Variants in ZFAND2A observed in about 807,000 individuals in gnomAD.
ZFAND2A encodes the protein zinc finger AN1-type containing 2A.
A neutral mutation model predicts 11.6 loss-of-function variants in ZFAND2A; 20 were observed. The ratio of observed to expected loss-of-function variants is 1.72; its 90% CI spans 1.21 to 2.50. ZFAND2A has a LOEUF of 2.50. Among genes scored for constraint, ZFAND2A ranks in the 30% most tolerant of loss-of-function variants. The pLI, the probability that ZFAND2A is intolerant of heterozygous loss-of-function variation, is 0.00. For missense variants in ZFAND2A, 234 were observed against 182.9 expected (o/e 1.28, Z -1.61); for synonymous variants, 93 against 60.6 (o/e 1.54, Z -2.48).
chr7:1,151,400 C>T (rs1793396096), downstream of ZFAND2A, among the ~76,000 whole-genome samples: 3 of 152,052 alleles, frequency 2.0e-5, no homozygotes, highest in African/African-American at 4.8e-5. Flanking sequence ...CAGATAGTCA[C>T]ATCGTTACAG....
chr7:1,158,301 T>C (rs533332333), intron 1 of ZFAND2A, 44 bp from the exon 2 acceptor site: 67 of 1,181,496 alleles, frequency 5.7e-5, no homozygotes, highest in South Asian at 5.0e-4. Flanking sequence ...TGGACTGCCC[T>C]TCAGTCACCA....
rs1330503956 is a variant in ZFAND2A at position 1,155,559 on chromosome 7, A to G, written c.176T>C (p.Leu59Pro). Residue 59 changes from leucine (L) to proline (P), a missense_variant, in exon 4 of 5, where the codon CTC becomes CCC. Leu to Pro is a moderately conservative substitution (Grantham distance 98). Coordinates refer to ENST00000316495, the MANE Select transcript of ZFAND2A (RefSeq NM_182491.4). The part of the protein sequence containing the change: ...QKDVHVPVCP[L>P]CNTPIPVKKG... ...TTTTACTGGGATGGGGGTATTACAG[A>G]GTGGGCATACTGGGACGTGAACATC... 3 of 1,613,708 alleles carry G rather than the reference A, an allele frequency of 1.9e-6. No individual in the cohort carries two copies. The highest frequency in any genetic ancestry group is 1.7e-5 in the Admixed American group (1 of 59,944).
downstream of ZFAND2A, chr7:1,152,352 G>C (rs1157253434): frequency 1.3e-6 from 2 of 1,555,274 alleles, no homozygotes; most frequent in Admixed American, 1.9e-5. Flanking sequence ...CACCTACAGA[G>C]AGGGTGGATG....
At chr7:1,153,355 C>T (rs1472500788) in intron 4 of ZFAND2A, 131 bp from the exon 5 acceptor site, 3 of 984,692 alleles carry the variant, frequency 3.0e-6, no homozygotes, top group African/African-American at 3.3e-5. Flanking sequence ...TCAAGTGATT[C>T]TCCTGCTTCA....
intron 3 of ZFAND2A, 23 bp from the exon 4 acceptor site, chr7:1,155,607 G>A: frequency 1.9e-6 from 3 of 1,609,256 alleles, no homozygotes; most frequent in Non-Finnish European, 2.5e-6. Flanking sequence ...AAGGTAAGAT[G>A]GCATCTGAGA....
downstream of ZFAND2A, chr7:1,152,310 A>G (rs758729987): frequency 6.3e-7 from 1 of 1,582,816 alleles, no homozygotes; most frequent in Admixed American, 1.8e-5. Flanking sequence ...AAATCTCCCA[A>G]CGGCCTGGAT....
intron 1 of ZFAND2A, among the ~76,000 whole-genome samples, chr7:1,159,328 G>T (rs76479268): frequency 6.6e-6 from 1 of 152,182 alleles, no homozygotes; most frequent in African/African-American, 2.4e-5. Context: ...ACCCTACCCT[G>T]GCGGGCCGGG....
intron 1 of ZFAND2A, among the ~76,000 whole-genome samples, chr7:1,159,120 A>G (rs1025843090): frequency 2.0e-5 from 3 of 152,128 alleles, no homozygotes; most frequent in African/African-American, 7.2e-5. Flanking sequence ...CCGCTACTTA[A>G]GGTGCCCATT....
chr7:1,154,943 C>A (rs918429152), intron 4 of ZFAND2A, among the ~76,000 whole-genome samples: 2 of 152,124 alleles, frequency 1.3e-5, no homozygotes, highest in South Asian at 4.1e-4. Context: ...CATAGTGAAA[C>A]CCTGTCTCTA....
intron 1 of ZFAND2A, 75 bp from the exon 2 acceptor site, chr7:1,158,332 G>T (rs1793581926): frequency 1.1e-6 from 1 of 898,948 alleles, no homozygotes; most frequent in Non-Finnish European, 1.8e-6. Context: ...TGTAATTACA[G>T]CTAATGAAAG....
In ZFAND2A at chr7:1,152,948, A is replaced by C. The variant is rs1360706058; in HGVS notation, c.*121T>G. 4.4e-6 allele frequency: 6 copies of C among 1,376,054 alleles called. No homozygotes were observed. Among genetic ancestry groups the C allele is most frequent in the African/African-American group, 1.4e-5 (1 of 69,512 alleles). 85.2% of individuals were successfully genotyped at this position (1,376,054 alleles called of 1,614,324 possible). A position where few individuals can be genotyped will look rare whatever the true frequency, so the allele number is the denominator to read the frequency against. On this transcript the variant is annotated 3_prime_UTR_variant, in exon 5 of 5. Coordinates refer to ENST00000316495, the MANE Select transcript of ZFAND2A (RefSeq NM_182491.4). ...ATTTTATTATAGTCCCATCTCCCTC[A>C]ACAAACAAGATCAGCAGCCAGTGTG...
chr7:1,150,820 T>C (rs1433483029), downstream of ZFAND2A, among the ~76,000 whole-genome samples: 1 of 152,026 alleles, frequency 6.6e-6, no homozygotes, highest in African/African-American at 2.4e-5. Context: ...TGCAACTTTC[T>C]TGTTGGTGCT....
rs1004763835 is a variant in ZFAND2A, at chr7:1,153,375, C to A, written c.283-151G>T. ...TGATTCTCCTGCTTCAGCCTAGTAC[C>A]TGGTACTACAGGCACACACCGCCAC... On this transcript the variant is annotated intron_variant, in intron 4 of 4. Transcript: ENST00000316495. 3 of 793,540 alleles carry A rather than the reference C, an allele frequency of 3.8e-6. No individual in the cohort carries two copies. The Admixed American group carries it at 8.5e-5, about 23-fold the overall frequency. 49.2% of individuals were successfully genotyped at this position (793,540 alleles called of 1,614,324 possible).
chr7:1,152,375 C>A, downstream of ZFAND2A: 1 of 1,511,976 alleles, frequency 6.6e-7, no homozygotes, highest in Non-Finnish European at 8.9e-7. Context: ...TCAGCTCAGC[C>A]TCCATGTGCT....
chr7:1,157,537 G>T, intron 3 of ZFAND2A, 119 bp downstream of exon 3: 2 of 1,061,018 alleles, frequency 1.9e-6, no homozygotes, highest in Non-Finnish European at 2.7e-6. Flanking sequence ...CTGAAAAACT[G>T]GATTTTAAAA....
At chr7:1,153,814 G>A (rs79350501) in intron 4 of ZFAND2A, among the ~76,000 whole-genome samples, 2,858 of 152,256 alleles carry the variant, frequency 0.019, 97 homozygotes, top group East Asian at 0.17. Flanking sequence ...GCATGGTGGC[G>A]TGGTGCCTGT....
At chr7:1,151,944 A>C (rs1793406899), downstream of ZFAND2A, 1 of 256,742 alleles carries the variant, frequency 3.9e-6, no homozygotes, top group Non-Finnish European at 7.3e-6. Flanking sequence ...CAAAAAGAAC[A>C]AAGAACAGCT....
In ZFAND2A at chr7:1,158,609, A is replaced by G. The variant is rs578144934; in HGVS notation, c.-45-352T>C. Among the ~76,000 whole-genome samples the G allele has an allele frequency of 1.6e-4, 25 of 152,330 alleles. No homozygotes were observed. In the South Asian group the frequency reaches 5.2e-3, roughly 32 times the overall value. ...CCATGGAATATACTTGTTCACATAAACAAAACTCTGTTACTAGGTGCTAAA... is the reference window on the plus strand; with the variant it reads ...CCATGGAATATACTTGTTCACATAAGCAAAACTCTGTTACTAGGTGCTAAA... On this transcript the variant is annotated intron_variant, in intron 1 of 4. Coordinates refer to ENST00000316495, the MANE Select transcript of ZFAND2A (RefSeq NM_182491.4).
chr7:1,155,123 A>AAAACAAAC (rs373785657), intron 4 of ZFAND2A, among the ~76,000 whole-genome samples: 30 of 152,230 alleles, frequency 2.0e-4, no homozygotes, highest in Non-Finnish European at 4.3e-4. Flanking sequence ...AGACTGTCTC[A>AAAACAAAC]AAACAAACAA....
Sources: gnomAD v4.1 joint callset for allele counts (sites outside exome capture counted in the v4.1 genomes callset) on GRCh38, gnomAD v4.1.1 for gene constraint, MANE v1.5 for transcripts, NCBI Gene and HGNC (gene_info 2026-07-23, HGNC 2026-07-21) for gene names.